The following XNDC1N variants were observed in gnomAD, a reference collection of about 807,000 sequenced individuals.
XNDC1N encodes the protein XRCC1 N-terminal domain containing 1, N-terminal like.
the XNDC1N span, chr11:71,903,980 A>G: frequency 2.1e-5 from 11 of 513,746 alleles, no homozygotes; most frequent in Non-Finnish European, 3.9e-5. Context: ...CTCGGTTCAG[A>G]TGTGTCATCT....
At chr11:71,911,410 G>A in the XNDC1N span, among the ~76,000 whole-genome samples, 6 of 152,316 alleles carry the variant, frequency 3.9e-5, no homozygotes, top group African/African-American at 1.4e-4. Flanking sequence ...TGACCTCCGG[G>A]ACCAGCCTTG....
chr11:71,899,344 C>A, the XNDC1N span, among the ~76,000 whole-genome samples: 9 of 152,186 alleles, frequency 5.9e-5, no homozygotes, highest in African/African-American at 2.2e-4. Flanking sequence ...CATGGCCCAG[C>A]AGAGGGGAAG....
chr11:71,924,479 C>A, the XNDC1N span, among the ~76,000 whole-genome samples: 3 of 152,112 alleles, frequency 2.0e-5, no homozygotes, highest in Admixed American at 6.6e-5. Context: ...GAGATTGAGA[C>A]CATCCTGGCT....
the XNDC1N span, among the ~76,000 whole-genome samples, chr11:71,880,432 A>G: frequency 6.6e-6 from 1 of 152,116 alleles, no homozygotes; most frequent in Non-Finnish European, 1.5e-5. Context: ...TCTAGCTAGC[A>G]GTTTATAAAG....
the XNDC1N span, among the ~76,000 whole-genome samples, chr11:71,926,997 C>G: frequency 6.6e-6 from 1 of 152,306 alleles, no homozygotes; most frequent in African/African-American, 2.4e-5. Flanking sequence ...CGCCTGTAAT[C>G]TCAACACTTT....
the XNDC1N span, among the ~76,000 whole-genome samples, chr11:71,887,609 C>T: frequency 6.6e-6 from 1 of 152,158 alleles, no homozygotes; most frequent in Admixed American, 6.5e-5. Flanking sequence ...AAAACAGGGG[C>T]CGGTCCCCAG....
the XNDC1N span, among the ~76,000 whole-genome samples, chr11:71,888,482 G>A: frequency 2.2e-4 from 33 of 152,146 alleles, no homozygotes; most frequent in African/African-American, 8.0e-4. Context: ...AAAACCTCTG[G>A]CAGCCCCAGC....
the XNDC1N span, among the ~76,000 whole-genome samples, chr11:71,912,367 C>A: frequency 1.3e-5 from 2 of 152,134 alleles, no homozygotes; most frequent in Non-Finnish European, 2.9e-5. Context: ...AACGAGATCA[C>A]AGAAGGGGTG....
chr11:71,875,077 TA>T, the XNDC1N span, among the ~76,000 whole-genome samples: 1 of 152,124 alleles, frequency 6.6e-6, no homozygotes, highest in Non-Finnish European at 1.5e-5. Context: ...TCATAACATT[TA>T]AATAGTGAAA....
the XNDC1N span, chr11:71,918,861 G>T: frequency 4.3e-6 from 3 of 701,530 alleles, no homozygotes; most frequent in Admixed American, 2.0e-5. Flanking sequence ...CTTCCTCAAG[G>T]TTCCTAGGCC....
At chr11:71,892,214 C>T in the XNDC1N span, among the ~76,000 whole-genome samples, 4 of 152,096 alleles carry the variant, frequency 2.6e-5, no homozygotes, top group Non-Finnish European at 5.9e-5. Context: ...TGTACACTCA[C>T]TGTGGTATTA....
At chr11:71,898,773 G>A in the XNDC1N span, among the ~76,000 whole-genome samples, 1 of 152,136 alleles carries the variant, frequency 6.6e-6, no homozygotes, top group Admixed American at 6.5e-5. Flanking sequence ...AGATAAAACT[G>A]TTCTGGAGAC....
chr11:71,909,950 C>A, the XNDC1N span, among the ~76,000 whole-genome samples: 4 of 151,946 alleles, frequency 2.6e-5, no homozygotes, highest in African/African-American at 7.3e-5. Flanking sequence ...TTAACTGAGC[C>A]GGGCCAAGAG....
the XNDC1N span, among the ~76,000 whole-genome samples, chr11:71,891,331 G>A: frequency 2.6e-5 from 4 of 151,856 alleles, no homozygotes; most frequent in Non-Finnish European, 4.4e-5. Context: ...CTCTCCCTCT[G>A]AAAATAGGAA....
chr11:71,893,701 G>A, the XNDC1N span: 42 of 1,325,694 alleles, frequency 3.2e-5, no homozygotes, highest in South Asian at 7.3e-5. Context: ...CTCGGCCACG[G>A]TTCCCAATAT....
the XNDC1N span, chr11:71,894,054 T>C: frequency 3.7e-5 from 21 of 565,408 alleles, no homozygotes; most frequent in Non-Finnish European, 6.1e-5. Context: ...GCGTCATCAA[T>C]AGCATATTCA....
chr11:71,874,088 G>T, the XNDC1N span, among the ~76,000 whole-genome samples: 1 of 152,156 alleles, frequency 6.6e-6, no homozygotes, highest in Admixed American at 6.5e-5. Flanking sequence ...GCCAAGGCAG[G>T]CGGATCATCT....
At chr11:71,919,420 G>A in the XNDC1N span, among the ~76,000 whole-genome samples, 414 of 143,994 alleles carry the variant, frequency 2.9e-3, 1 homozygote, top group Non-Finnish European at 5.1e-3. Flanking sequence ...ACAGAGTCTT[G>A]CTCTGTCGCC....
the XNDC1N span, among the ~76,000 whole-genome samples, chr11:71,909,548 C>A: frequency 7.2e-5 from 11 of 152,320 alleles, no homozygotes; most frequent in Non-Finnish European, 1.0e-4. Context: ...TGAGGGAGAC[C>A]CGGCTCAAGC....
Sources: gnomAD v4.1 joint callset for allele counts (sites outside exome capture counted in the v4.1 genomes callset) on GRCh38, gnomAD v4.1.1 for gene constraint, MANE v1.5 for transcripts, NCBI Gene and HGNC (gene_info 2026-07-23, HGNC 2026-07-21) for gene names.